NRF1: variants seen among roughly 807,000 people sequenced by gnomAD.
NRF1 encodes alpha palindromic-binding protein.
Under a neutral mutation model 58.5 loss-of-function variants are expected in NRF1, and 5 were observed. That is an observed-to-expected ratio of 0.09 (90% confidence interval 0.04 to 0.18). The LOEUF (loss-of-function observed/expected upper bound fraction) is 0.18. Ranked by LOEUF, NRF1 falls within the 10% of genes least tolerant of loss-of-function variation. The probability of loss-of-function intolerance (pLI) is 1.00; values close to 1 mark genes in which losing one functional copy is unlikely to be tolerated. For synonymous variants in NRF1, 224 were observed against 246.7 expected, an observed-to-expected ratio of 0.91 and a Z score of 0.86; for missense variants, 288 against 657.7, an observed-to-expected ratio of 0.44 and a Z score of 6.15.
rs1422472177 is a variant in NRF1, at chr7:129,619,490, G to GTGTATATATATA, written c.-7+7667_-7+7668insGTATATATATAT. ...TGTGTGTGTGTGTGTGTGTGTGTGTGTATATATATATATATATATATATGT... is the reference window on the plus strand; with the variant it reads ...TGTGTGTGTGTGTGTGTGTGTGTGTGTGTATATATATATATATATATATATATATATATATGT... On this transcript the variant is annotated intron_variant, in intron 1 of 10. Transcript: ENST00000393232. Among the ~76,000 whole-genome samples the GTGTATATATATA allele has an allele frequency of 1.7e-3, 84 of 48,602 alleles. 1 individual carries two copies. Among genetic ancestry groups the GTGTATATATATA allele is most frequent in the African/African-American group, 7.9e-3 (79 of 9,982 alleles). 31.9% of individuals were successfully genotyped at this position (48,602 alleles called of 152,430 possible).
chr7:129,707,985 T>C (rs1019364975), intron 5 of NRF1, among the ~76,000 whole-genome samples: 3 of 152,234 alleles, frequency 2.0e-5, no homozygotes, highest in African/African-American at 4.8e-5. Flanking sequence ...CATTCTCTCA[T>C]TAATACTTAA....
rs1318331865 is a variant in NRF1, at chr7:129,611,753, C to T, written c.-78C>T. On this transcript the variant is annotated 5_prime_UTR_variant, in exon 1 of 11. Coordinates refer to ENST00000393232, the MANE Select transcript of NRF1 (RefSeq NM_005011.5). ...CAGCGCTCGCCATTGCCGCTGGTGG[C>T]AGGAGGCTGCGAGGAGCCGGCGCGG... The T allele has an allele frequency of 1.3e-5, 4 of 318,506 alleles. No individual in the cohort carries two copies. The East Asian group carries it at 2.0e-4, about 16-fold the overall frequency. The allele number at this position is 318,506 out of a possible 1,614,324, so 19.7% of individuals were successfully genotyped here. A position where few individuals can be genotyped will look rare whatever the true frequency, so the allele number is the denominator to read the frequency against.
intron 4 of NRF1, among the ~76,000 whole-genome samples, chr7:129,689,544 C>T (rs1802515743): frequency 6.6e-6 from 1 of 152,148 alleles, no homozygotes; most frequent in Admixed American, 6.5e-5. Flanking sequence ...TTTTCCTCTC[C>T]CAAGTTCCAG....
intron 10 of NRF1, among the ~76,000 whole-genome samples, chr7:129,745,347 CTGGCA>C (rs1433953350): frequency 6.6e-6 from 1 of 152,168 alleles, no homozygotes; most frequent in African/African-American, 2.4e-5. Context: ...TCCCCAGTCC[CTGGCA>C]CGGCAGGAGG....
chr7:129,611,947 T>G (rs1437495443), intron 1 of NRF1, 123 bp downstream of exon 1: 2 of 148,076 alleles, frequency 1.4e-5, no homozygotes, highest in Non-Finnish European at 3.0e-5. Flanking sequence ...GCTCTGGGCC[T>G]GGGCCCCCGC....
At chr7:129,626,348 G>A (rs921699667) in intron 1 of NRF1, among the ~76,000 whole-genome samples, 4 of 152,058 alleles carry the variant, frequency 2.6e-5, no homozygotes, top group East Asian at 1.9e-4. Context: ...CAGTGGCTCC[G>A]ATTTTTTTTG....
intron 10 of NRF1, among the ~76,000 whole-genome samples, chr7:129,753,205 TATGGTTTAAATG>T (rs1804165253): frequency 6.6e-6 from 1 of 152,222 alleles, no homozygotes; most frequent in African/African-American, 2.4e-5. Flanking sequence ...CAAAGTAGCC[TATGGTTTAAATG>T]TCAAAAAGAA....
intron 10 of NRF1, among the ~76,000 whole-genome samples, chr7:129,748,866 C>T (rs1488599182): frequency 6.6e-6 from 1 of 152,158 alleles, no homozygotes; most frequent in South Asian, 2.1e-4. Flanking sequence ...AATTTCATTA[C>T]ACAATAGGCA....
At chr7:129,704,217 A>C (rs1171707501) in intron 5 of NRF1, among the ~76,000 whole-genome samples, 2 of 151,978 alleles carry the variant, frequency 1.3e-5, no homozygotes, top group Admixed American at 6.6e-5. Context: ...CATTGGTCCA[A>C]ATGATCAATT....
intron 1 of NRF1, among the ~76,000 whole-genome samples, chr7:129,619,396 G>GTATA (rs749333673): frequency 0.032 from 1,517 of 47,200 alleles, 27 homozygotes; most frequent in Non-Finnish European, 0.036. Flanking sequence ...TGGCATACGT[G>GTATA]TATATATATA....
At chr7:129,728,253 C>T (rs762932166) in intron 10 of NRF1, among the ~76,000 whole-genome samples, 6 of 152,172 alleles carry the variant, frequency 3.9e-5, no homozygotes, top group African/African-American at 1.4e-4. Flanking sequence ...CACGGTGGCT[C>T]ATGCCTATTA....
At chr7:129,681,179 G>C (rs1167807576) in intron 4 of NRF1, among the ~76,000 whole-genome samples, 1 of 152,232 alleles carries the variant, frequency 6.6e-6, no homozygotes, top group Non-Finnish European at 1.5e-5. Flanking sequence ...GGGGTCCGGA[G>C]CCAGTGATAC....
chr7:129,742,190 A>G (rs1464174539), intron 10 of NRF1, among the ~76,000 whole-genome samples: 1 of 151,788 alleles, frequency 6.6e-6, no homozygotes, highest in Non-Finnish European at 1.5e-5. Flanking sequence ...CTGTGACATT[A>G]TAATTACACC....
In NRF1 at chr7:129,659,282, T is replaced by C. The variant is rs561487578; in HGVS notation, c.223+1708T>C. Among the ~76,000 whole-genome samples, 101 of 152,276 alleles carry C rather than the reference T, an allele frequency of 6.6e-4. 1 individual carries two copies. In the South Asian group the frequency reaches 0.021, roughly 31 times the overall value. ...TTAGTAGAGATGGGGTTTCACCCTG[T>C]TGGCCAGGCCGGTCTTGAATTCCTG... On this transcript the variant is annotated intron_variant, in intron 2 of 10. Transcript: ENST00000393232.
intron 5 of NRF1, among the ~76,000 whole-genome samples, chr7:129,691,895 A>G (rs2151093468): frequency 6.6e-6 from 1 of 152,086 alleles, no homozygotes; most frequent in East Asian, 1.9e-4. Context: ...GTTTTCACCC[A>G]GTTTACCCTC....
Position 129,657,757 on chromosome 7 carries a change from G to T in NRF1, c.223+183G>T, listed in dbSNP as rs955370244. 3.3e-5 allele frequency among the ~76,000 whole-genome samples: 5 copies of T among 151,990 alleles called. No individual in the cohort carries two copies. The South Asian group carries it at 1.0e-3, about 32-fold the overall frequency. On this transcript the variant is annotated intron_variant, in intron 2 of 10. Transcript: ENST00000393232. ...CTGGAGTAGCTGGGACTGCTGATGT[G>T]TACCACCACATCTGGCTAATTTTTG...
At chr7:129,654,279 A>G (rs1801602733) in intron 1 of NRF1, among the ~76,000 whole-genome samples, 2 of 152,052 alleles carry the variant, frequency 1.3e-5, no homozygotes, top group Admixed American at 1.3e-4. Context: ...CCTTGGTGAG[A>G]TCTCTTCAGG....
chr7:129,701,230 G>T (rs1361384112), intron 5 of NRF1, among the ~76,000 whole-genome samples: 1 of 152,086 alleles, frequency 6.6e-6, no homozygotes, highest in Admixed American at 6.5e-5. Context: ...TATATAAAAA[G>T]ATTGTCAACT....
At chr7:129,708,500 C>T (rs1418094861) in intron 5 of NRF1, among the ~76,000 whole-genome samples, 2 of 152,136 alleles carry the variant, frequency 1.3e-5, no homozygotes, top group African/African-American at 4.8e-5. Context: ...GGGTTATTTT[C>T]CCTTTTTATT....
Sources: allele counts gnomAD v4.1 joint callset (sites outside exome capture counted in the v4.1 genomes callset), GRCh38; gene constraint gnomAD v4.1.1; transcripts MANE v1.5; gene names NCBI Gene and HGNC (gene_info 2026-07-23, HGNC 2026-07-21).